The following HAUS6 variants were observed in gnomAD, a reference collection of about 807,000 sequenced individuals.
HAUS6 encodes HAUS augmin-like complex subunit 6.
In HAUS6, 80 loss-of-function variants were observed where a neutral mutation model predicts 106.8. That is an observed-to-expected ratio of 0.75 (90% CI 0.63 to 0.90). The LOEUF (loss-of-function observed/expected upper bound fraction) is 0.90, where lower values mean the gene tolerates loss of function less well. Among genes scored for constraint, HAUS6 ranks in the 40% least tolerant of loss-of-function variants. HAUS6 has a pLI of 0.00. For synonymous variants in HAUS6, 356 were observed against 379.1 expected, an observed-to-expected ratio of 0.94 and a Z score of 0.71; for missense variants, 1,155 against 1,118.1, an observed-to-expected ratio of 1.03 and a Z score of -0.47.
At chr9:19,079,026 TG>T (rs910469475) in intron 9 of HAUS6, among the ~76,000 whole-genome samples, 2 of 150,050 alleles carry the variant, frequency 1.3e-5, no homozygotes, top group Non-Finnish European at 3.0e-5. Context: ...TGGCTGGACA[TG>T]GTGGCATGCA....
chr9:19,087,322 C>T (rs748708189), intron 5 of HAUS6, among the ~76,000 whole-genome samples, 166 bp from the exon 6 acceptor site: 9 of 152,162 alleles, frequency 5.9e-5, no homozygotes, highest in African/African-American at 2.2e-4. Flanking sequence ...ATTCAACATA[C>T]AGGCTCCTAT....
At chr9:19,068,655 G>A (rs551699845) in intron 12 of HAUS6, among the ~76,000 whole-genome samples, 18 of 151,272 alleles carry the variant, frequency 1.2e-4, no homozygotes, top group Non-Finnish European at 2.5e-4. Flanking sequence ...ATTTTCATCT[G>A]TCCCTCATCT....
At chr9:19,066,166 C>T (rs1588601431) in intron 12 of HAUS6, among the ~76,000 whole-genome samples, 1 of 152,116 alleles carries the variant, frequency 6.6e-6, no homozygotes, top group East Asian at 1.9e-4. Context: ...AAACTCCTGA[C>T]CTCAGGTGAT....
intron 10 of HAUS6, among the ~76,000 whole-genome samples, chr9:19,077,262 C>T (rs915510453): frequency 2.6e-5 from 4 of 152,220 alleles, no homozygotes; most frequent in Non-Finnish European, 1.5e-5. Flanking sequence ...TGGCTGGGCA[C>T]AGTGGCTCAC....
chr9:19,077,460 C>T (rs535353686), intron 10 of HAUS6, among the ~76,000 whole-genome samples: 68 of 151,842 alleles, frequency 4.5e-4, no homozygotes, highest in Non-Finnish European at 9.4e-4. Flanking sequence ...ACTTGAACCT[C>T]GAAGGCAGAG....
chr9:19,092,020 C>T (rs1817760779), intron 4 of HAUS6, among the ~76,000 whole-genome samples: 1 of 151,964 alleles, frequency 6.6e-6, no homozygotes, highest in Admixed American at 6.6e-5. Context: ...CAATTTTCAA[C>T]CTCACTAATA....
chr9:19,086,957 T>C (rs1475434239), intron 6 of HAUS6, 134 bp downstream of exon 6: 2 of 630,898 alleles, frequency 3.2e-6, no homozygotes, highest in African/African-American at 3.7e-5. Context: ...GTCATAACTA[T>C]GCTCTAATCC....
At chr9:19,082,776 CAA>C (rs1837187863) in intron 8 of HAUS6, 95 bp downstream of exon 8, 4 of 693,772 alleles carry the variant, frequency 5.8e-6, no homozygotes, top group Non-Finnish European at 8.7e-6. Flanking sequence ...AAACAAAAAA[CAA>C]AAAACAAATT....
intron 5 of HAUS6, among the ~76,000 whole-genome samples, chr9:19,087,597 G>C (rs558035712): frequency 2.0e-5 from 3 of 152,252 alleles, no homozygotes; most frequent in Admixed American, 2.0e-4. Flanking sequence ...GCTCACACCT[G>C]TAATGCCTAT....
intron 11 of HAUS6, chr9:19,073,926 T>C (rs1836931781): frequency 1.3e-5 from 2 of 152,132 alleles, no homozygotes; most frequent in South Asian, 4.1e-4. Context: ...CACTAATTTT[T>C]AATTTAAAAT....
intron 7 of HAUS6, among the ~76,000 whole-genome samples, chr9:19,085,807 C>T (rs978393659): frequency 2.6e-5 from 4 of 152,032 alleles, no homozygotes; most frequent in Non-Finnish European, 5.9e-5. Flanking sequence ...ATTAATACCA[C>T]TGACTAGGTT....
intron 12 of HAUS6, among the ~76,000 whole-genome samples, chr9:19,069,165 T>C (rs1836831490): frequency 6.6e-6 from 1 of 152,154 alleles, no homozygotes; most frequent in Admixed American, 6.5e-5. Context: ...CTGAAAACTA[T>C]CTGGACAAGA....
chr9:19,062,479 A>ATATT (rs1836646548), intron 14 of HAUS6, among the ~76,000 whole-genome samples: 1 of 152,216 alleles, frequency 6.6e-6, no homozygotes, highest in African/African-American at 2.4e-5. Context: ...GTGGGTTCTA[A>ATATT]ACCACAGATG....
At chr9:19,088,073 G>C (rs78032951) in intron 5 of HAUS6, among the ~76,000 whole-genome samples, 2,227 of 152,262 alleles carry the variant, frequency 0.015, 48 homozygotes, top group African/African-American at 0.051. Flanking sequence ...CTACCTGAAA[G>C]AATATCTGCT....
At chr9:19,056,980 T>A (rs1836487577) in intron 16 of HAUS6, 1 of 152,314 alleles carries the variant, frequency 6.6e-6, no homozygotes, top group African/African-American at 2.4e-5. Flanking sequence ...CAGATCCTTA[T>A]CTCTCTTAAT....
In HAUS6 at chr9:19,076,665, C is replaced by G. The variant is rs748028676; in HGVS notation, c.1231G>C (p.Asp411His). The G allele has an allele frequency of 2.5e-6, 4 of 1,590,508 alleles. No homozygotes were observed. In the South Asian group the frequency reaches 4.4e-5, roughly 18 times the overall value. ...LLPPMSPLSF[D>H]PASEEVYAKS... The stretch of plus-strand genomic sequence containing the variant: ...GCATACACTTCTTCTGAGGCAGGAT[C>G]AAACGAAAGGGGAGACATTGGTGGT... The change falls in exon 11 of 17, where the codon GAT becomes CAT. Residue 411 changes from aspartate to histidine, a missense_variant. Physicochemically the swap from Asp to His is moderately conservative, Grantham distance 81. This residue lies in a region of HAUS6 where 761 missense variants were observed against 690.0 expected (regional missense o/e 1.10). Transcript: ENST00000380502.
chr9:19,067,341 AT>A (rs1156368108), intron 12 of HAUS6, among the ~76,000 whole-genome samples: 1 of 152,226 alleles, frequency 6.6e-6, no homozygotes, highest in African/African-American at 2.4e-5. Context: ...ACAGTGAAGA[AT>A]TCTGAGCAGA....
chr9:19,094,427 T>C (rs917791524), intron 2 of HAUS6, 32 bp from the exon 3 acceptor site: 8 of 1,210,676 alleles, frequency 6.6e-6, no homozygotes, highest in Non-Finnish European at 9.5e-6. Context: ...GTAAGGACTA[T>C]GCACAACAAT....
At chr9:19,080,746 T>A in intron 8 of HAUS6, 74 bp from the exon 9 acceptor site, 1 of 816,302 alleles carries the variant, frequency 1.2e-6, no homozygotes. Flanking sequence ...AAAATATTTA[T>A]GTTTTTTACT....
Sources: allele counts gnomAD v4.1 joint callset (sites outside exome capture counted in the v4.1 genomes callset), GRCh38; gene constraint gnomAD v4.1.1; regional missense constraint gnomAD v4.1.1; transcripts MANE v1.5; gene names NCBI Gene and HGNC (gene_info 2026-07-23, HGNC 2026-07-21).